RBM25: variants seen among roughly 807,000 people sequenced by gnomAD.
The protein encoded by RBM25 is RNA binding motif protein 25.
Under a neutral mutation model 120.7 loss-of-function variants are expected in RBM25, and 19 were observed. The ratio of observed to expected loss-of-function variants is 0.16; its 90% CI spans 0.11 to 0.23. RBM25 has a LOEUF of 0.23. RBM25 is among the 10% of genes least tolerant of loss of function. The pLI is 1.00. For synonymous variants in RBM25, 390 were observed against 326.7 expected, an observed-to-expected ratio of 1.19 and a Z score of -2.09; for missense variants, 605 against 1,041.5, an observed-to-expected ratio of 0.58 and a Z score of 5.77.
chr14:73,070,530 G>T (rs1364789320), intron 1 of RBM25, among the ~76,000 whole-genome samples: 1 of 152,094 alleles, frequency 6.6e-6, no homozygotes, highest in Non-Finnish European at 1.5e-5. Context: ...CTGGAAGTCA[G>T]GAGTTTATTT....
At position 73,111,158 on chromosome 14, in the gene RBM25, A is replaced by G. The variant is rs747803187; in HGVS notation, c.2017+3A>G. On this transcript the variant is annotated splice_donor_region_variant and intron_variant, in intron 15 of 18. Coordinates refer to ENST00000261973, the MANE Select transcript of RBM25 (RefSeq NM_021239.3). Reference sequence around the variant, plus strand: ...AATAGGACTAAGTCTTAAACTGGGTACGTTAGCATTTCCTTCCTTCTTTAT... The same window carrying G: ...AATAGGACTAAGTCTTAAACTGGGTGCGTTAGCATTTCCTTCCTTCTTTAT... The G allele has an allele frequency of 2.1e-5, 34 of 1,589,404 alleles. No individual in the cohort carries two copies. The highest frequency in any genetic ancestry group is 2.9e-5 in the Non-Finnish European group (34 of 1,159,216).
At chr14:73,093,954 T>G (rs1028793322) in intron 6 of RBM25, among the ~76,000 whole-genome samples, 7 of 148,246 alleles carry the variant, frequency 4.7e-5, no homozygotes, top group South Asian at 2.2e-4. Flanking sequence ...TTTTGTTTTT[T>G]TTTTTTTTTT....
At chr14:73,064,173 A>G (rs1271971359) in intron 1 of RBM25, among the ~76,000 whole-genome samples, 1 of 151,458 alleles carries the variant, frequency 6.6e-6, no homozygotes, top group East Asian at 1.9e-4. Context: ...TACAAAGTAC[A>G]TACCATCTTT....
chr14:73,072,559 A>C (rs977970696), intron 2 of RBM25, among the ~76,000 whole-genome samples: 7 of 152,214 alleles, frequency 4.6e-5, no homozygotes, highest in African/African-American at 1.7e-4. Flanking sequence ...ATTGGGGCTC[A>C]GGATTCTTAA....
intron 6 of RBM25, 168 bp downstream of exon 6, chr14:73,088,329 T>G: frequency 1.2e-6 from 1 of 866,278 alleles, no homozygotes; most frequent in Non-Finnish European, 1.9e-6. Context: ...AAGTCTTATC[T>G]GCCCATAGTG....
chr14:73,092,401 A>G (rs1895838986), intron 6 of RBM25, among the ~76,000 whole-genome samples: 1 of 152,098 alleles, frequency 6.6e-6, no homozygotes, highest in African/African-American at 2.4e-5. Flanking sequence ...TGTTAAGTAG[A>G]GGATAGGAGA....
intron 15 of RBM25, 63 bp from the exon 16 acceptor site, chr14:73,111,465 T>A: frequency 2.7e-6 from 4 of 1,476,190 alleles, no homozygotes; most frequent in Non-Finnish European, 3.6e-6. Flanking sequence ...TGAGGGATGG[T>A]GGGTTATAAA....
At chr14:73,077,080 C>T (rs987096182) in intron 3 of RBM25, among the ~76,000 whole-genome samples, 2 of 152,154 alleles carry the variant, frequency 1.3e-5, no homozygotes, top group Admixed American at 1.3e-4. Flanking sequence ...AATTCCGTTT[C>T]AGAAAATAAA....
At chr14:73,059,905 G>T (rs2806049) in intron 1 of RBM25, among the ~76,000 whole-genome samples, 1 of 152,084 alleles carries the variant, frequency 6.6e-6, no homozygotes, top group Admixed American at 6.5e-5. Context: ...TGAGAAAAAC[G>T]TATGTAAAAT....
In RBM25 at chr14:73,097,007, A is replaced by G; in HGVS notation, c.636A>G (p.Glu212=). ...ATCAGATGATTAAAGGGGCTATTGA[A>G]GTTTTAATTCGTGAATACTCCAGTG... ...RRDQMIKGAI[E]VLIREYSSEL... is the part of the protein sequence containing the mutation. Residue 212 remains glutamate, a synonymous_variant, in exon 7 of 19, where the codon GAA becomes GAG. Transcript: ENST00000261973. 3.7e-6 allele frequency: 6 copies of G among 1,613,856 alleles called. No individual in the cohort carries two copies. The highest frequency in any genetic ancestry group is 5.1e-6 in the Non-Finnish European group (6 of 1,179,912).
Position 73,097,106 on chromosome 14 carries a change from T to C in RBM25, c.729+6T>C. On this transcript the variant is annotated splice_donor_region_variant and intron_variant, in intron 7 of 18. Coordinates refer to ENST00000261973, the MANE Select transcript of RBM25 (RefSeq NM_021239.3). ...AGAAGGAAAAGAAGGAGGACGTATG[T>C]GTTCTGACAACAACATATCATTTCT... The C allele has an allele frequency of 6.3e-7, 1 of 1,597,872 alleles. No homozygotes were observed. The highest frequency in any genetic ancestry group is 8.5e-7 in the Non-Finnish European group (1 of 1,172,992).
At chr14:73,070,355 C>A (rs1895254632) in intron 1 of RBM25, among the ~76,000 whole-genome samples, 2 of 152,130 alleles carry the variant, frequency 1.3e-5, no homozygotes, top group African/African-American at 4.8e-5. Flanking sequence ...CTGCAACCAA[C>A]CTGTTCTTAA....
chr14:73,113,982 T>C (rs1006116540), intron 17 of RBM25, among the ~76,000 whole-genome samples: 1 of 152,150 alleles, frequency 6.6e-6, no homozygotes, highest in African/African-American at 2.4e-5. Flanking sequence ...TTGCCAGTAG[T>C]GCTCTTTTGA....
intron 1 of RBM25, among the ~76,000 whole-genome samples, chr14:73,063,878 A>G (rs910623082): frequency 1.3e-5 from 2 of 151,512 alleles, no homozygotes; most frequent in Non-Finnish European, 3.0e-5. Context: ...ACATAGCCCT[A>G]CACTCTACTC....
At chr14:73,096,785 C>A in intron 6 of RBM25, 130 bp from the exon 7 acceptor site, 33 of 695,372 alleles carry the variant, frequency 4.7e-5, no homozygotes, top group South Asian at 1.3e-4. Context: ...AGAACAAAAC[C>A]AATTCTGTGT....
chr14:73,068,691 G>GA, intron 1 of RBM25: 1 of 322,908 alleles, frequency 3.1e-6, no homozygotes, highest in Admixed American at 4.0e-5. Flanking sequence ...TGGACTGCAG[G>GA]AAAAGAGCTG....
In RBM25 at chr14:73,094,540, C is replaced by T. The variant is rs142833679; in HGVS notation, c.544-2375C>T. 8.3e-3 allele frequency among the ~76,000 whole-genome samples: 1,261 copies of T among 151,458 alleles called. 19 individuals carry two copies. The highest frequency in any genetic ancestry group is 0.029 in the African/African-American group (1,202 of 41,254). On this transcript the variant is annotated intron_variant, in intron 6 of 18. Coordinates refer to ENST00000261973, the MANE Select transcript of RBM25 (RefSeq NM_021239.3). ...TTGGCTCACTGCAATCTCTGCCTCC[C>T]GGGTTCAAGCCATTCTCCTGCCTCG...
intron 6 of RBM25, among the ~76,000 whole-genome samples, chr14:73,094,208 C>G (rs779515963): frequency 6.6e-6 from 1 of 151,364 alleles, no homozygotes; most frequent in Non-Finnish European, 1.5e-5. Context: ...CTGCCTCGGC[C>G]TCCCAAAGTG....
At chr14:73,094,471 G>A (rs983359017) in intron 6 of RBM25, among the ~76,000 whole-genome samples, 22 of 149,984 alleles carry the variant, frequency 1.5e-4, no homozygotes, top group African/African-American at 5.2e-4. Flanking sequence ...CTTTTGAGAC[G>A]GAGTCTTGCT....
Sources: gnomAD v4.1 joint callset for allele counts (sites outside exome capture counted in the v4.1 genomes callset) on GRCh38, gnomAD v4.1.1 for gene constraint, MANE v1.5 for transcripts, NCBI Gene and HGNC (gene_info 2026-07-23, HGNC 2026-07-21) for gene names.